Variants in COA1 observed in about 807,000 individuals in gnomAD.
COA1 encodes cytochrome c oxidase assembly factor 1 homolog.
Under a neutral mutation model 16.0 loss-of-function variants are expected in COA1, and 13 were observed. The ratio of observed to expected loss-of-function variants is 0.81; its 90% CI spans 0.53 to 1.29. COA1 has a LOEUF of 1.29. Among genes scored for constraint, COA1 ranks in the 50% most tolerant of loss-of-function variants. COA1 has a pLI of 0.00. For synonymous variants in COA1, 65 were observed against 65.7 expected (o/e 0.99, Z 0.05); for missense variants, 179 against 177.0 (o/e 1.01, Z -0.06).
At chr7:43,706,291 A>T (rs1218262937) in intron 1 of COA1, among the ~76,000 whole-genome samples, 1 of 152,174 alleles carries the variant, frequency 6.6e-6, no homozygotes, top group East Asian at 1.9e-4. Context: ...TAATCCCAGT[A>T]CTTTGGGAGG....
At chr7:43,657,647 G>A (rs2091916534) in intron 1 of COA1, among the ~76,000 whole-genome samples, 1 of 151,700 alleles carries the variant, frequency 6.6e-6, no homozygotes, top group Non-Finnish European at 1.5e-5. Flanking sequence ...GAGACAAACA[G>A]TAAACAAATA....
chr7:43,632,550 AT>A (rs1033066522), intron 6 of COA1: 1 of 152,240 alleles, frequency 6.6e-6, no homozygotes, highest in Non-Finnish European at 1.5e-5. Flanking sequence ...CACAAAATGT[AT>A]TTCTTAAATA....
intron 1 of COA1, among the ~76,000 whole-genome samples, chr7:43,721,146 ATT>A (rs2095498279): frequency 6.6e-6 from 1 of 152,258 alleles, no homozygotes; most frequent in Non-Finnish European, 1.5e-5. Context: ...GAAAGAGTTA[ATT>A]CATAATTCTG....
intron 1 of COA1, among the ~76,000 whole-genome samples, chr7:43,663,519 A>T (rs1051604151): frequency 1.3e-5 from 2 of 151,974 alleles, no homozygotes; most frequent in Admixed American, 6.6e-5. Flanking sequence ...AACTAAAGAC[A>T]AAAACTTACG....
At chr7:43,713,249 G>C (rs140157742) in intron 1 of COA1, among the ~76,000 whole-genome samples, 99 of 152,276 alleles carry the variant, frequency 6.5e-4, no homozygotes, top group African/African-American at 2.3e-3. Flanking sequence ...ACCATGCCCA[G>C]CCTCAATACA....
At chr7:43,638,943 T>G (rs1191119946), downstream of COA1, 2 of 152,318 alleles carry the variant, frequency 1.3e-5, no homozygotes, top group African/African-American at 4.8e-5. Flanking sequence ...CATATAAATT[T>G]TCTAAGCTTT....
intron 4 of COA1, among the ~76,000 whole-genome samples, chr7:43,643,825 T>C (rs1056208906): frequency 2.2e-4 from 34 of 152,214 alleles, no homozygotes; most frequent in African/African-American, 7.5e-4. Flanking sequence ...AACCGAATAT[T>C]TTAATCAGAA....
At chr7:43,679,264 C>CAAAAAAAAAAAAAAAAAAAAAAAAAAAA (rs10618048) in intron 1 of COA1, among the ~76,000 whole-genome samples, 1 of 84,122 alleles carries the variant, frequency 1.2e-5, no homozygotes, top group Non-Finnish European at 2.2e-5. Flanking sequence ...AACTCCATTG[C>CAAAAAAAAAAAAAAAAAAAAAAAAAAAA]AAAAAAAAAA....
chr7:43,637,381 G>A (rs1260718368), downstream of COA1, among the ~76,000 whole-genome samples: 1 of 152,180 alleles, frequency 6.6e-6, no homozygotes, highest in African/African-American at 2.4e-5. Context: ...CTCTCCTGCA[G>A]TCTTTACAAG....
intron 6 of COA1, among the ~76,000 whole-genome samples, chr7:43,611,810 A>G (rs1435902192): frequency 6.6e-6 from 1 of 152,218 alleles, no homozygotes; most frequent in Non-Finnish European, 1.5e-5. Context: ...TACTAGTCTT[A>G]TGATGGACTT....
chr7:43,650,243 AG>A (rs1441684600), intron 1 of COA1: 1 of 152,312 alleles, frequency 6.6e-6, no homozygotes, highest in Non-Finnish European at 1.5e-5. Context: ...GGACTGCCAG[AG>A]GACACCAAAG....
chr7:43,623,679 A>C (rs775474905), intron 6 of COA1: 1 of 1,602,342 alleles, frequency 6.2e-7, no homozygotes, highest in Non-Finnish European at 8.5e-7. Flanking sequence ...TATGGTACTA[A>C]ATTTTTCTTG....
intron 1 of COA1, among the ~76,000 whole-genome samples, chr7:43,691,526 G>GA (rs2094368927): frequency 6.6e-6 from 1 of 152,118 alleles, no homozygotes; most frequent in Non-Finnish European, 1.5e-5. Flanking sequence ...AACAAATGCA[G>GA]AAAGTCAGAA....
intron 1 of COA1, among the ~76,000 whole-genome samples, chr7:43,722,481 C>T (rs1385624797): frequency 6.6e-6 from 1 of 152,128 alleles, no homozygotes; most frequent in African/African-American, 2.4e-5. Context: ...CTCCCTGCAA[C>T]CTCTGCCTCC....
chr7:43,713,026 T>A (rs2095298534), intron 1 of COA1, among the ~76,000 whole-genome samples: 1 of 152,236 alleles, frequency 6.6e-6, no homozygotes, highest in Non-Finnish European at 1.5e-5. Flanking sequence ...TGATCTCAGC[T>A]CACTGCAAAC....
chr7:43,703,529 T>C (rs994119179), intron 1 of COA1, among the ~76,000 whole-genome samples: 5 of 152,236 alleles, frequency 3.3e-5, no homozygotes, highest in African/African-American at 1.2e-4. Context: ...TGGGTGCATA[T>C]ATATTTAGGA....
chr7:43,639,632 G>A lies in COA1; in HGVS notation c.391C>T (p.Pro131Ser). The change falls in exon 6 of 6, where the codon CCT (proline) becomes TCT (serine). Residue 131 changes from proline (P) to serine (S), a missense_variant. By Grantham distance (74) the Pro-to-Ser change is moderately conservative (BLOSUM62 -1). Transcript: ENST00000223336. ...TTTTCCCCACTGAGCTTGAACACAG[G>A]AATCTGCTGACCATCCTTGAGCTCT... The part of the protein sequence containing the change: ...FLELKDGQQI[P>S]VFKLSGENGD... 6.2e-7 allele frequency: 1 copy of A among 1,614,080 alleles called. No homozygotes were observed. Among genetic ancestry groups the A allele is most frequent in the South Asian group, 1.1e-5 (1 of 91,078 alleles).
chr7:43,687,125 A>T (rs972548029), intron 1 of COA1, among the ~76,000 whole-genome samples: 1 of 152,200 alleles, frequency 6.6e-6, no homozygotes, highest in African/African-American at 2.4e-5. Context: ...CTGAGTAGTG[A>T]CCAATGCTTC....
chr7:43,611,461 C>G (rs2082871543), intron 6 of COA1, among the ~76,000 whole-genome samples: 1 of 152,182 alleles, frequency 6.6e-6, no homozygotes, highest in Non-Finnish European at 1.5e-5. Flanking sequence ...GACATGTGCA[C>G]ACCCACACGC....
Sources: allele counts gnomAD v4.1 joint callset (sites outside exome capture counted in the v4.1 genomes callset), GRCh38; gene constraint gnomAD v4.1.1; transcripts MANE v1.5; gene names NCBI Gene and HGNC (gene_info 2026-07-23, HGNC 2026-07-21).